Variants in GLIS3 observed in about 807,000 individuals in gnomAD.
GLIS3 encodes zinc finger protein GLIS3.
GLIS3 carries 53 observed loss-of-function variants against 78.6 expected under a neutral mutation model. That is an observed-to-expected ratio of 0.67 (90% CI 0.54 to 0.85). The LOEUF (loss-of-function observed/expected upper bound fraction) is 0.85. Ranked by LOEUF, GLIS3 falls within the 40% of genes least tolerant of loss-of-function variation. The pLI, the probability that GLIS3 is intolerant of heterozygous loss-of-function variation, is 0.00. For missense variants in GLIS3, 1,703 were observed against 1,231.1 expected, an observed-to-expected ratio of 1.38 and a Z score of -5.74; for synonymous variants, 684 against 509.9, an observed-to-expected ratio of 1.34 and a Z score of -4.60.
chr9:4,037,866 G>A (rs796783290), intron 4 of GLIS3, among the ~76,000 whole-genome samples: 10 of 151,914 alleles, frequency 6.6e-5, no homozygotes, highest in African/African-American at 2.4e-4. Flanking sequence ...GACAGCTGTG[G>A]AGAAATTTCA....
chr9:4,079,281 T>G lies in GLIS3; in HGVS notation c.1710+38487A>C, dbSNP rs1294516197. Reference sequence around the variant, plus strand: ...TGAAAGGTATTAGAATTATTCCCTCTTTGCAAATTAAAAGATTGAAGCCCA... The same window carrying G: ...TGAAAGGTATTAGAATTATTCCCTCGTTGCAAATTAAAAGATTGAAGCCCA... On this transcript the variant is annotated intron_variant, in intron 4 of 10. Transcript: ENST00000381971. Among the ~76,000 whole-genome samples the G allele has an allele frequency of 2.0e-5, 3 of 152,170 alleles. No individual in the cohort carries two copies. The East Asian group carries it at 5.8e-4, about 29-fold the overall frequency.
chr9:4,240,559 G>C (rs1823204537), intron 2 of GLIS3, among the ~76,000 whole-genome samples: 1 of 152,128 alleles, frequency 6.6e-6, no homozygotes, highest in Admixed American at 6.5e-5. Context: ...TACAAGGGAA[G>C]ATTACAAGGG....
chr9:4,194,770 G>A (rs1254890237), intron 2 of GLIS3, among the ~76,000 whole-genome samples: 2 of 152,186 alleles, frequency 1.3e-5, no homozygotes, highest in African/African-American at 4.8e-5. Context: ...GAAGCTCCGG[G>A]CAACCCTGGC....
intron 1 of GLIS3, among the ~76,000 whole-genome samples, chr9:4,291,975 C>T (rs540934916): frequency 6.6e-6 from 1 of 152,130 alleles, no homozygotes; most frequent in South Asian, 2.1e-4. Context: ...CATGGTCCTA[C>T]CAAAAATGGC....
At chr9:4,253,658 A>G (rs1824619146) in intron 2 of GLIS3, among the ~76,000 whole-genome samples, 1 of 152,156 alleles carries the variant, frequency 6.6e-6, no homozygotes, top group African/African-American at 2.4e-5. Flanking sequence ...TGAGGTATGA[A>G]AAAAACTCCT....
upstream of GLIS3, among the ~76,000 whole-genome samples, chr9:4,348,681 A>G (rs1314112140): frequency 6.6e-6 from 1 of 152,218 alleles, no homozygotes. Flanking sequence ...GTGACTCACA[A>G]TATGGTATTG....
chr9:4,072,100 T>C (rs1827661882), intron 4 of GLIS3, among the ~76,000 whole-genome samples: 2 of 152,192 alleles, frequency 1.3e-5, no homozygotes, highest in Admixed American at 6.5e-5. Flanking sequence ...TGCAGGGATG[T>C]CTTCTTAAAT....
At position 3,879,468 on chromosome 9, in the gene GLIS3, G is replaced by A; in HGVS notation, c.2256C>T (p.Ser752=). 6.2e-7 allele frequency: 1 copy of A among 1,614,156 alleles called. No individual in the cohort carries two copies. Among genetic ancestry groups the A allele is most frequent in the Non-Finnish European group, 8.5e-7 (1 of 1,180,016 alleles). ...NVQGSPHNPS[S]QLPPLTAVDA... ...CCACAGCTGTGAGTGGAGGTAACTGGGAGGAGGGGTTGTGAGGGCTCCCCT... is the reference window on the plus strand; with the variant it reads ...CCACAGCTGTGAGTGGAGGTAACTGAGAGGAGGGGTTGTGAGGGCTCCCCT... Residue 752 remains serine, a synonymous_variant, in exon 8 of 11, where the codon TCC becomes TCT. Coordinates refer to ENST00000381971, the MANE Select transcript of GLIS3 (RefSeq NM_001042413.2).
At chr9:3,860,761 C>T (rs1377424575) in intron 8 of GLIS3, among the ~76,000 whole-genome samples, 2 of 152,158 alleles carry the variant, frequency 1.3e-5, no homozygotes, top group Non-Finnish European at 2.9e-5. Flanking sequence ...GTTATCTCAA[C>T]TTTCACTGAA....
chr9:4,444,970 C>T, the GLIS3 span, among the ~76,000 whole-genome samples: 1 of 152,170 alleles, frequency 6.6e-6, no homozygotes, highest in Non-Finnish European at 1.5e-5. Flanking sequence ...ATTTTTTTCA[C>T]ATGGAACCTC....
the GLIS3 span, among the ~76,000 whole-genome samples, chr9:4,382,208 T>C: frequency 2.0e-5 from 3 of 152,322 alleles, no homozygotes; most frequent in African/African-American, 4.8e-5. Context: ...AGATGCTGAA[T>C]GACACATCTG....
intron 4 of GLIS3, among the ~76,000 whole-genome samples, chr9:4,069,523 G>A (rs1461332714): frequency 2.0e-5 from 3 of 152,222 alleles, no homozygotes; most frequent in African/African-American, 7.2e-5. Flanking sequence ...GACTTTCACA[G>A]ATTCTTATTA....
chr9:4,064,483 C>G (rs1826926626), intron 4 of GLIS3, among the ~76,000 whole-genome samples: 1 of 152,116 alleles, frequency 6.6e-6, no homozygotes. Flanking sequence ...CTATGGGGTT[C>G]TGCAATTTTT....
the GLIS3 span, among the ~76,000 whole-genome samples, chr9:4,404,816 G>A: frequency 6.6e-6 from 1 of 151,930 alleles, no homozygotes; most frequent in Admixed American, 6.6e-5. Flanking sequence ...AACTAGACAA[G>A]CAGGAACAAA....
chr9:4,211,990 T>G (rs780079700), intron 2 of GLIS3, among the ~76,000 whole-genome samples: 28 of 152,004 alleles, frequency 1.8e-4, no homozygotes, highest in Admixed American at 1.0e-3. Context: ...AGACAGAAAG[T>G]AGATTAGTGG....
intron 4 of GLIS3, among the ~76,000 whole-genome samples, chr9:4,045,761 A>G (rs1239573559): frequency 1.3e-5 from 2 of 152,170 alleles, no homozygotes; most frequent in Non-Finnish European, 2.9e-5. Context: ...TCTCGCAATC[A>G]CAGCTCTAGA....
intron 2 of GLIS3, among the ~76,000 whole-genome samples, chr9:4,279,313 A>AT (rs1827318328): frequency 2.9e-5 from 2 of 68,100 alleles, no homozygotes; most frequent in African/African-American, 1.9e-4. Flanking sequence ...AAAAAAAAAA[A>AT]AATATATATA....
At chr9:4,256,033 T>C (rs1172951794) in intron 2 of GLIS3, among the ~76,000 whole-genome samples, 2 of 152,108 alleles carry the variant, frequency 1.3e-5, no homozygotes, top group African/African-American at 2.4e-5. Flanking sequence ...AAAAACTAAG[T>C]CTATTTTTTT....
chr9:3,989,313 G>C (rs1434719769), intron 4 of GLIS3, among the ~76,000 whole-genome samples: 3 of 152,128 alleles, frequency 2.0e-5, no homozygotes, highest in African/African-American at 7.2e-5. Context: ...ATGTAAAAAG[G>C]TACAGGCACT....
Sources: gnomAD v4.1 joint callset for allele counts (sites outside exome capture counted in the v4.1 genomes callset) on GRCh38, gnomAD v4.1.1 for gene constraint, MANE v1.5 for transcripts, NCBI Gene and HGNC (gene_info 2026-07-23, HGNC 2026-07-21) for gene names.